C2orf69: variants seen among roughly 807,000 people sequenced by gnomAD.
C2orf69 encodes chromosome 2 open reading frame 69, also known as mitochondrial protein C2orf69.
In C2orf69, 19 loss-of-function variants were observed where a neutral mutation model predicts 29.5. The ratio of observed to expected loss-of-function variants is 0.65; its 90% confidence interval spans 0.45 to 0.95. The LOEUF is 0.95. Ranked by LOEUF, C2orf69 falls within the 40% of genes least tolerant of loss-of-function variation. The pLI, the probability that C2orf69 is intolerant of heterozygous loss-of-function variation, is 0.00. For synonymous variants in C2orf69, 194 were observed against 180.0 expected, an observed-to-expected ratio of 1.08 and a Z score of -0.62; for missense variants, 416 against 482.1, an observed-to-expected ratio of 0.86 and a Z score of 1.28.
At position 199,927,640 on chromosome 2, in the gene C2orf69, C is replaced by T. The variant is rs2077341043; in HGVS notation, c.*1754C>T. On this transcript the variant is annotated 3_prime_UTR_variant, in exon 2 of 2. Coordinates refer to ENST00000319974, the MANE Select transcript of C2orf69 (RefSeq NM_153689.6). ...TTAAATACCTCGTTTCTTTTGAGAC[C>T]AAAAATTCCCATCAAGGAAATAAAT... 6.7e-6 allele frequency: 1 copy of T among 150,298 alleles called. No homozygotes were observed. The highest frequency in any genetic ancestry group is 2.4e-5 in the African/African-American group (1 of 40,844). The allele number at this position is 150,298 out of a possible 1,614,324, so 9.3% of individuals were successfully genotyped here.
chr2:199,918,111 C>T lies in C2orf69; in HGVS notation c.333+6340C>T, dbSNP rs551792549. ...GCCCCATGATTCAATTACCTTCCAT[C>T]GGGTCCCTCCCATGTGGGGATTATG... On this transcript the variant is annotated intron_variant, in intron 1 of 1. Transcript: ENST00000319974. 9.4e-4 allele frequency among the ~76,000 whole-genome samples: 143 copies of T among 152,190 alleles called. 1 individual carries two copies. The highest frequency in any genetic ancestry group is 1.6e-3 in the Non-Finnish European group (112 of 68,010).
At chr2:199,914,721 A>G (rs2077286710) in intron 1 of C2orf69, among the ~76,000 whole-genome samples, 1 of 152,078 alleles carries the variant, frequency 6.6e-6, no homozygotes, top group Non-Finnish European at 1.5e-5. Context: ...GGTGTTGCTC[A>G]AACATGTCAG....
rs1207172328 is a variant in C2orf69, at chr2:199,911,327, C to G, written c.-112C>G. On this transcript the variant is annotated 5_prime_UTR_variant, in exon 1 of 2. Transcript: ENST00000319974. ...CGTCGCCTCAGCGCCGGCTCCCGGC[C>G]GGGCCGCGGCCGCCGACCGTTGAGC... 7.7e-6 allele frequency: 10 copies of G among 1,290,852 alleles called. No individual in the cohort carries two copies. The highest frequency in any genetic ancestry group is 3.0e-5 in the East Asian group (1 of 32,814). The allele number at this position is 1,290,852 out of a possible 1,614,324, so 80.0% of individuals were successfully genotyped here. A position where few individuals can be genotyped will look rare whatever the true frequency, so the allele number is the denominator to read the frequency against.
intron 1 of C2orf69, among the ~76,000 whole-genome samples, chr2:199,917,444 G>A (rs2077297575): frequency 6.6e-6 from 1 of 152,022 alleles, no homozygotes; most frequent in Admixed American, 6.6e-5. Flanking sequence ...AAACTTTTAT[G>A]TGCTACTTCC....
At chr2:199,922,674 C>A (rs566398045) in intron 1 of C2orf69, among the ~76,000 whole-genome samples, 1 of 152,074 alleles carries the variant, frequency 6.6e-6, no homozygotes, top group South Asian at 2.1e-4. Flanking sequence ...TTTTCTCTCA[C>A]CTTCTATATC....
chr2:199,914,432 C>G (rs1053052578), intron 1 of C2orf69, among the ~76,000 whole-genome samples: 1 of 152,140 alleles, frequency 6.6e-6, no homozygotes, highest in African/African-American at 2.4e-5. Flanking sequence ...TCCATTAGAA[C>G]TGTCTTTCAT....
intron 1 of C2orf69, among the ~76,000 whole-genome samples, chr2:199,914,434 GTCTT>G (rs2077285776): frequency 6.6e-6 from 1 of 152,048 alleles, no homozygotes; most frequent in African/African-American, 2.4e-5. Context: ...CATTAGAACT[GTCTT>G]TCATACCTCA....
rs2077324133 is a variant in C2orf69, at chr2:199,923,317, G to C, written c.334-1745G>C. Reference sequence around the variant, plus strand: ...AGTCTAATATGTTTTGAACTGTCCAGTATCGTAGCCACTAATCACTTGTGG... The same window carrying C: ...AGTCTAATATGTTTTGAACTGTCCACTATCGTAGCCACTAATCACTTGTGG... On this transcript the variant is annotated intron_variant, in intron 1 of 1. Transcript: ENST00000319974. Among the ~76,000 whole-genome samples the C allele has an allele frequency of 3.3e-5, 5 of 152,162 alleles. No individual in the cohort carries two copies. In the South Asian group the frequency reaches 8.3e-4, roughly 25 times the overall value.
At chr2:199,923,266 A>AT (rs2077323999) in intron 1 of C2orf69, among the ~76,000 whole-genome samples, 1 of 152,120 alleles carries the variant, frequency 6.6e-6, no homozygotes, top group Admixed American at 6.6e-5. Context: ...TAATATATAT[A>AT]TTTTTTGAAA....
chr2:199,922,294 G>A (rs2077320070), intron 1 of C2orf69, among the ~76,000 whole-genome samples: 1 of 151,622 alleles, frequency 6.6e-6, no homozygotes, highest in Non-Finnish European at 1.5e-5. Flanking sequence ...GTAGAGACAG[G>A]ATTTCACATG....
At chr2:199,922,424 C>T (rs2077320689) in intron 1 of C2orf69, among the ~76,000 whole-genome samples, 1 of 152,072 alleles carries the variant, frequency 6.6e-6, no homozygotes, top group Non-Finnish European at 1.5e-5. Flanking sequence ...CAAATGGTTG[C>T]ATAGTGTACT....
intron 1 of C2orf69, among the ~76,000 whole-genome samples, chr2:199,924,682 A>G (rs947285040): frequency 3.9e-5 from 6 of 152,230 alleles, no homozygotes; most frequent in Non-Finnish European, 7.3e-5. Context: ...GTGTTGGTCA[A>G]AAAGTCTATC....
chr2:199,914,527 C>T (rs1047053374), intron 1 of C2orf69, among the ~76,000 whole-genome samples: 3 of 152,166 alleles, frequency 2.0e-5, no homozygotes, highest in Admixed American at 6.5e-5. Context: ...TAAGTCAAAT[C>T]ATTCCACGTC....
intron 1 of C2orf69, among the ~76,000 whole-genome samples, chr2:199,917,170 A>C (rs1390444580): frequency 2.6e-5 from 4 of 152,230 alleles, no homozygotes; most frequent in African/African-American, 7.2e-5. Flanking sequence ...GGTGGGACAC[A>C]GGGCACCAAG....
Position 199,927,478 on chromosome 2 carries a change from G to T in C2orf69, c.*1592G>T, listed in dbSNP as rs2077340316. ...AAATATTCAGAGATTCATGAGAAAG[G>T]ATTCTTAACAAATGTTTAAAAATAA... On this transcript the variant is annotated 3_prime_UTR_variant, in exon 2 of 2. Coordinates refer to ENST00000319974, the MANE Select transcript of C2orf69 (RefSeq NM_153689.6). 1 of 151,362 alleles carries T rather than the reference G, an allele frequency of 6.6e-6. No homozygotes were observed. The highest frequency in any genetic ancestry group is 1.5e-5 in the Non-Finnish European group (1 of 67,828). 9.4% of individuals were successfully genotyped at this position (151,362 alleles called of 1,614,324 possible). A position where few individuals can be genotyped will look rare whatever the true frequency, so the allele number is the denominator to read the frequency against.
In C2orf69 at chr2:199,927,890, TA is replaced by T. The variant is rs2077341925; in HGVS notation, c.*2010del. The T allele has an allele frequency of 6.6e-6, 1 of 152,260 alleles. No individual in the cohort carries two copies. The highest frequency in any genetic ancestry group is 6.5e-5 in the Admixed American group (1 of 15,296). 9.4% of individuals were successfully genotyped at this position (152,260 alleles called of 1,614,324 possible). ...AGAATAATTCATTTAAAAATAATTT[TA>T]AAAAATCAGACATATTTAAAAATCT... On this transcript the variant is annotated 3_prime_UTR_variant, in exon 2 of 2. Coordinates refer to ENST00000319974, the MANE Select transcript of C2orf69 (RefSeq NM_153689.6).
At chr2:199,912,089 A>C (rs1207027346) in intron 1 of C2orf69, among the ~76,000 whole-genome samples, 2 of 152,152 alleles carry the variant, frequency 1.3e-5, no homozygotes, top group Non-Finnish European at 2.9e-5. Context: ...TTTATTCTAT[A>C]ATTTGGTTTC....
Position 199,911,357 on chromosome 2 carries a change from G to GGCTGAGCCGCCT in C2orf69, c.-76_-65dup, listed in dbSNP as rs1183788197. 16 of 1,364,788 alleles carry GGCTGAGCCGCCT rather than the reference G, an allele frequency of 1.2e-5. No individual in the cohort carries two copies. Among genetic ancestry groups the GGCTGAGCCGCCT allele is most frequent in the African/African-American group, 3.1e-5 (2 of 65,032 alleles). The allele number at this position is 1,364,788 out of a possible 1,614,324, so 84.5% of individuals were successfully genotyped here. On this transcript the variant is annotated 5_prime_UTR_variant, in exon 1 of 2. Transcript: ENST00000319974. ...CGCGGCCGCCGACCGTTGAGCCGCC[G>GGCTGAGCCGCCT]GCTGAGCCGCCTGCTGAAGTCCCTC...
intron 1 of C2orf69, among the ~76,000 whole-genome samples, chr2:199,916,590 A>C (rs1408044458): frequency 6.6e-6 from 1 of 152,252 alleles, no homozygotes; most frequent in Non-Finnish European, 1.5e-5. Flanking sequence ...ATGGGGATAC[A>C]GGCATTGGGT....
Sources: gnomAD v4.1 joint callset for allele counts (sites outside exome capture counted in the v4.1 genomes callset) on GRCh38, gnomAD v4.1.1 for gene constraint, MANE v1.5 for transcripts, NCBI Gene and HGNC (gene_info 2026-07-23, HGNC 2026-07-21) for gene names.